JCAD: variants seen among roughly 807,000 people sequenced by gnomAD.
JCAD encodes junctional cadherin 5-associated protein.
A neutral mutation model predicts 98.0 loss-of-function variants in JCAD; 40 were observed. That is an observed-to-expected ratio of 0.41 (90% CI 0.32 to 0.53). The LOEUF is 0.53. JCAD is among the 20% of genes least tolerant of loss of function. The probability of loss-of-function intolerance (pLI) is 0.31; values close to 1 mark genes in which losing one functional copy is unlikely to be tolerated. For synonymous variants in JCAD, 691 were observed against 682.3 expected (o/e 1.01, Z -0.20); for missense variants, 1,705 against 1,738.1 (o/e 0.98, Z 0.34).
intron 1 of JCAD, among the ~76,000 whole-genome samples, chr10:30,091,327 C>A (rs1256564048): frequency 1.3e-5 from 2 of 152,166 alleles, no homozygotes; most frequent in African/African-American, 2.4e-5. Context: ...AAACTGGCGT[C>A]AGATTTTTCT....
rs892626081 is a variant in JCAD at position 30,080,091 on chromosome 10, C to G, written n.129-10270G>C. ...ATTTCCTAGAAGAAGGCCAGGGAGA[C>G]TCAATTCTCTTCCTGTCCAGTGGTT... is the stretch of plus-strand genomic sequence containing the variant. On this transcript the variant is annotated intron_variant and non_coding_transcript_variant, in intron 1 of 2. Coordinates refer to the JCAD transcript ENST00000465712. Among the ~76,000 whole-genome samples, 3 of 152,122 alleles carry G rather than the reference C, an allele frequency of 2.0e-5. No individual in the cohort carries two copies. In the South Asian group the frequency reaches 6.2e-4, roughly 32 times the overall value.
intron 2 of JCAD, among the ~76,000 whole-genome samples, chr10:30,038,411 C>T (rs954524003): frequency 2.2e-4 from 33 of 152,082 alleles, no homozygotes; most frequent in African/African-American, 6.3e-4. Flanking sequence ...AGAGCCGGCA[C>T]GGAGGTTCAT....
rs1837380369 is a variant in JCAD at position 30,047,740 on chromosome 10, C to G, written c.73G>C (p.Asp25His). 2 of 1,614,118 alleles carry G rather than the reference C, an allele frequency of 1.2e-6. No individual in the cohort carries two copies. The highest frequency in any genetic ancestry group is 1.7e-6 in the Non-Finnish European group (2 of 1,180,052). Residue 25 changes from aspartate (D) to histidine (H), a missense_variant, in exon 2 of 4, where the codon GAT becomes CAT. This residue lies in a region of JCAD where 152 missense variants were observed against 148.0 expected (regional missense o/e 1.03). Transcript: ENST00000375377. ...LSRDPPASRE[D>H]NPKGRQAART... is the part of the protein sequence containing the mutation. Reference sequence around the variant, plus strand: ...GCTGCCTGGCGCCCCTTGGGGTTATCCTCGCGTGATGCTGGGGGGTCTCTT... The same window carrying G: ...GCTGCCTGGCGCCCCTTGGGGTTATGCTCGCGTGATGCTGGGGGGTCTCTT...
At chr10:30,110,755 G>A (rs1438201683) in intron 1 of JCAD, among the ~76,000 whole-genome samples, 5 of 151,240 alleles carry the variant, frequency 3.3e-5, no homozygotes, top group African/African-American at 1.2e-4. Flanking sequence ...CTCCTGATGA[G>A]TGACCCACCA....
chr10:30,079,911 C>T (rs181943670), intron 1 of JCAD, among the ~76,000 whole-genome samples: 1 of 152,270 alleles, frequency 6.6e-6, no homozygotes, highest in Admixed American at 6.5e-5. Context: ...TGTTCCTAAT[C>T]ATCATTATTC....
chr10:30,023,060 G>A (rs541439561), intron 3 of JCAD, among the ~76,000 whole-genome samples: 1 of 151,828 alleles, frequency 6.6e-6, no homozygotes, highest in South Asian at 2.1e-4. Context: ...TTTTGGAGAT[G>A]GAGTTTCACT....
In JCAD at chr10:30,059,157, G is replaced by A. The variant is rs1047496743; in HGVS notation, c.-60+325C>T. On this transcript the variant is annotated intron_variant, in intron 1 of 3. Coordinates refer to ENST00000375377, the MANE Select transcript of JCAD (RefSeq NM_020848.4). This position sits in a 1 kb window ranked among gnomAD's most constrained non-coding sequence, Gnocchi z 5.0. ...CTCCGCGCGCCGAGGGGCGACGCGA[G>A]CGCTAACGCCAGCCGCGGCCCGCGG... Among the ~76,000 whole-genome samples, 3 of 151,800 alleles carry A rather than the reference G, an allele frequency of 2.0e-5. No individual in the cohort carries two copies. The highest frequency in any genetic ancestry group is 7.2e-5 in the African/African-American group (3 of 41,382).
intron 1 of JCAD, among the ~76,000 whole-genome samples, chr10:30,091,314 T>G (rs185171941): frequency 6.6e-6 from 1 of 152,200 alleles, no homozygotes; most frequent in Non-Finnish European, 1.5e-5. Flanking sequence ...TAACAACACA[T>G]GCAAACTGGC....
chr10:30,034,833 T>C (rs1837078043), intron 2 of JCAD, among the ~76,000 whole-genome samples: 1 of 152,186 alleles, frequency 6.6e-6, no homozygotes, highest in African/African-American at 2.4e-5. Context: ...GGCATTACAA[T>C]TGTTACACCC....
Position 30,026,229 on chromosome 10 carries a change from TGCCAGGAGACACAAG to T in JCAD, c.3904_3918del (p.Leu1302_Gly1306del). The T allele has an allele frequency of 6.2e-7, 1 of 1,614,084 alleles. No individual in the cohort carries two copies. The highest frequency in any genetic ancestry group is 8.5e-7 in the Non-Finnish European group (1 of 1,180,038). On this transcript the variant is annotated inframe_deletion, in exon 3 of 4. Transcript: ENST00000375377. ...CCCAATCTCTGGGCACGGTCCCCAC[TGCCAGGAGACACAAG>T]GCCTCCCGGGAGCCCGGCCTGGCCC...
At position 30,027,543 on chromosome 10, in the gene JCAD, C is replaced by G; in HGVS notation, c.2605G>C (p.Glu869Gln). The part of the protein sequence containing the change: ...SEESEAEPQQ[E>Q]NRAHCRQEDV... ...TCCTGTCTGCAGTGAGCACGGTTCTCCTGCTGCGGCTCCGCCTCACTCTCC... is the reference window on the plus strand; with the variant it reads ...TCCTGTCTGCAGTGAGCACGGTTCTGCTGCTGCGGCTCCGCCTCACTCTCC... The change falls in exon 3 of 4, where the codon GAG (glutamate) becomes CAG (glutamine). Residue 869 changes from glutamate (E) to glutamine (Q), a missense_variant. Physicochemically the swap from Glu to Gln is conservative, Grantham distance 29. Around this residue, in one of 3 missense-constraint regions of JCAD, gnomAD observed 1,278 missense variants for 1,243.1 expected, o/e 1.03. Coordinates refer to ENST00000375377, the MANE Select transcript of JCAD (RefSeq NM_020848.4). 6.2e-7 allele frequency: 1 copy of G among 1,613,586 alleles called. No individual in the cohort carries two copies. Among genetic ancestry groups the G allele is most frequent in the Non-Finnish European group, 8.5e-7 (1 of 1,180,050 alleles).
chr10:30,089,701 T>C (rs1176192342), intron 1 of JCAD, among the ~76,000 whole-genome samples: 1 of 152,184 alleles, frequency 6.6e-6, no homozygotes, highest in East Asian at 1.9e-4. Flanking sequence ...TGACAGTGTC[T>C]GATTTATTCA....
intron 1 of JCAD, among the ~76,000 whole-genome samples, chr10:30,086,720 G>C (rs1025848245): frequency 6.6e-6 from 1 of 152,200 alleles, no homozygotes; most frequent in African/African-American, 2.4e-5. Flanking sequence ...TGTCCACCAA[G>C]CCTTTTCAAA....
At chr10:30,086,138 T>C (rs1263992580) in intron 1 of JCAD, among the ~76,000 whole-genome samples, 3 of 152,264 alleles carry the variant, frequency 2.0e-5, no homozygotes, top group South Asian at 4.1e-4. Flanking sequence ...ATTAAAAAAT[T>C]ATTTTTTTAA....
At chr10:30,019,357 C>CAAAA (rs58164754) in intron 3 of JCAD, among the ~76,000 whole-genome samples, 3 of 100,294 alleles carry the variant, frequency 3.0e-5, no homozygotes, top group Admixed American at 1.1e-4. Flanking sequence ...AACTCTGTCT[C>CAAAA]AAAAAAAAAA....
intron 2 of JCAD, among the ~76,000 whole-genome samples, chr10:30,033,072 C>G (rs993895022): frequency 6.6e-6 from 1 of 152,182 alleles, no homozygotes. Context: ...CACTACTTCC[C>G]GCTTTTACAG....
chr10:30,092,551 C>T (rs942355973), intron 1 of JCAD, among the ~76,000 whole-genome samples: 4 of 152,108 alleles, frequency 2.6e-5, no homozygotes, highest in Non-Finnish European at 5.9e-5. Context: ...AATCTCACCA[C>T]GGAGCACAAG....
intron 1 of JCAD, among the ~76,000 whole-genome samples, chr10:30,108,342 CA>C (rs1838625042): frequency 6.6e-6 from 1 of 151,016 alleles, no homozygotes; most frequent in Non-Finnish European, 1.5e-5. Flanking sequence ...ATGGCGTTAT[CA>C]GGGGTGGTTG....
rs1483355693 is a variant in JCAD, at chr10:30,015,160, T to C, written c.*2723A>G. ...AATCCATTGCATATGTAATCCCTCATATAATTTTTAGCCCAAATGGTCAAA... is the reference window on the plus strand; with the variant it reads ...AATCCATTGCATATGTAATCCCTCACATAATTTTTAGCCCAAATGGTCAAA... On this transcript the variant is annotated 3_prime_UTR_variant, in exon 4 of 4. Transcript: ENST00000375377. The C allele has an allele frequency of 6.6e-6, 1 of 152,254 alleles. No homozygotes were observed. Among genetic ancestry groups the C allele is most frequent in the Non-Finnish European group, 1.5e-5 (1 of 68,040 alleles). The allele number at this position is 152,254 out of a possible 1,614,324, so 9.4% of individuals were successfully genotyped here. A position where few individuals can be genotyped will look rare whatever the true frequency, so the allele number is the denominator to read the frequency against.
Sources: allele counts gnomAD v4.1 joint callset (sites outside exome capture counted in the v4.1 genomes callset), GRCh38; gene constraint gnomAD v4.1.1; regional missense constraint gnomAD v4.1.1; non-coding constraint Gnocchi (gnomAD v3.1); transcripts MANE v1.5; gene names NCBI Gene and HGNC (gene_info 2026-07-23, HGNC 2026-07-21).